Variants in ATP6V1E2 observed in about 807,000 individuals in gnomAD.
ATP6V1E2 encodes ATPase H+ transporting V1 subunit E2, also known as V-type proton ATPase subunit E 2.
For synonymous variants in ATP6V1E2, 121 were observed against 104.2 expected, an observed-to-expected ratio of 1.16 and a Z score of -0.98; for missense variants, 308 against 273.3, an observed-to-expected ratio of 1.13 and a Z score of -0.90.
intron 3 of ATP6V1E2, among the ~76,000 whole-genome samples, chr2:46,536,299 A>G (rs1444763976): frequency 1.3e-5 from 2 of 152,232 alleles, no homozygotes; most frequent in Non-Finnish European, 2.9e-5. Context: ...ATCCTACTGG[A>G]TTTATTTATC....
chr2:46,517,885 G>A (rs13010097), intron 4 of ATP6V1E2, among the ~76,000 whole-genome samples: 53,717 of 152,134 alleles, frequency 0.35, 9,754 homozygotes, highest in Middle Eastern at 0.39. Flanking sequence ...GCAGAAACTG[G>A]AACTCCTGTG....
intron 2 of ATP6V1E2, among the ~76,000 whole-genome samples, chr2:46,538,863 G>C (rs950986071): frequency 2.0e-5 from 3 of 152,086 alleles, no homozygotes; most frequent in Non-Finnish European, 2.9e-5. Context: ...CAGCTTCTTG[G>C]GAGGCTGAGG....
intron 4 of ATP6V1E2, among the ~76,000 whole-genome samples, chr2:46,516,076 T>G (rs75266624): frequency 6.6e-6 from 1 of 152,140 alleles, no homozygotes; most frequent in Admixed American, 6.5e-5. Context: ...AATACAATAA[T>G]AGTAGGAAAT....
chr2:46,523,528 C>T (rs1012830442), intron 4 of ATP6V1E2, among the ~76,000 whole-genome samples: 5 of 152,042 alleles, frequency 3.3e-5, no homozygotes, highest in Admixed American at 1.3e-4. Flanking sequence ...TCAGGTTTTT[C>T]GAAGATCAGA....
Position 46,517,191 on chromosome 2 carries a change from T to A in ATP6V1E2, c.-101-4379A>T, listed in dbSNP as rs188514444. ...CCAGAAATAAACCCCACATTTACAA[T>A]CAAATGATCATCAATAAGGGTGCCA... On this transcript the variant is annotated intron_variant, in intron 4 of 4. Transcript: ENST00000522587. 5.0e-3 allele frequency among the ~76,000 whole-genome samples: 761 copies of A among 152,156 alleles called. 13 individuals carry two copies. The highest frequency in any genetic ancestry group is 3.6e-3 in the Non-Finnish European group (246 of 67,974).
At chr2:46,525,386 C>T (rs1194580630) in intron 4 of ATP6V1E2, among the ~76,000 whole-genome samples, 1 of 147,550 alleles carries the variant, frequency 6.8e-6, no homozygotes, top group African/African-American at 2.5e-5. Flanking sequence ...GGCGTGAACC[C>T]GGAAGGCGGA....
Position 46,534,181 on chromosome 2 carries a change from G to A in ATP6V1E2, c.-102+1632C>T, listed in dbSNP as rs553732797. ...CCGTTAATCCTTTTCGAGGACTCCAGTTTTTAATATCATCTTAAGGTGACT... is the reference window on the plus strand; with the variant it reads ...CCGTTAATCCTTTTCGAGGACTCCAATTTTTAATATCATCTTAAGGTGACT... On this transcript the variant is annotated intron_variant, in intron 4 of 4. Transcript: ENST00000522587. The A allele has an allele frequency of 3.3e-5, 5 of 152,276 alleles. No individual in the cohort carries two copies. In the East Asian group the frequency reaches 7.7e-4, roughly 23 times the overall value. 9.4% of individuals were successfully genotyped at this position (152,276 alleles called of 1,614,324 possible).
Position 46,530,677 on chromosome 2 carries a change from T to G in ATP6V1E2, c.-102+5136A>C, listed in dbSNP as rs1408375551. ...CTGCGAATAAAGACATAACCAGGAC[T>G]GGGTAATATATAAAGGAAAGAGGTT... On this transcript the variant is annotated intron_variant, in intron 4 of 4. Coordinates refer to ENST00000522587, the MANE Select transcript of ATP6V1E2 (RefSeq NM_001318063.2). The surrounding 1 kb of genome is among the most constrained non-coding windows in gnomAD (Gnocchi z 5.2). Among the ~76,000 whole-genome samples the G allele has an allele frequency of 6.6e-6, 1 of 152,220 alleles. No individual in the cohort carries two copies. The highest frequency in any genetic ancestry group is 1.5e-5 in the Non-Finnish European group (1 of 68,032).
At chr2:46,526,988 T>TC (rs2103891019) in intron 4 of ATP6V1E2, among the ~76,000 whole-genome samples, 1 of 152,348 alleles carries the variant, frequency 6.6e-6, no homozygotes, top group Admixed American at 6.5e-5. Flanking sequence ...ATTTTACAGT[T>TC]CACAGCAATG....
intron 4 of ATP6V1E2, among the ~76,000 whole-genome samples, chr2:46,527,453 C>G (rs1666979022): frequency 6.6e-6 from 1 of 152,170 alleles, no homozygotes; most frequent in Non-Finnish European, 1.5e-5. Flanking sequence ...GATCTCCTGA[C>G]CTCGTGATCT....
intron 4 of ATP6V1E2, among the ~76,000 whole-genome samples, chr2:46,523,943 T>C (rs924105700): frequency 1.2e-4 from 19 of 152,170 alleles, no homozygotes; most frequent in African/African-American, 4.3e-4. Flanking sequence ...AAGAGGTCCT[T>C]CACATCCCTT....
chr2:46,525,686 C>T (rs1382408673), intron 4 of ATP6V1E2, among the ~76,000 whole-genome samples: 1 of 152,176 alleles, frequency 6.6e-6, no homozygotes, highest in African/African-American at 2.4e-5. Flanking sequence ...TCCACTCACA[C>T]TGGCAAAGCA....
chr2:46,512,433 A>G lies in ATP6V1E2; in HGVS notation c.279T>C (p.Asp93=). 2 of 1,614,068 alleles carry G rather than the reference A, an allele frequency of 1.2e-6. No individual in the cohort carries two copies. Among genetic ancestry groups the G allele is most frequent in the African/African-American group, 1.3e-5 (1 of 74,976 alleles). ...VLRARNDLIS[D]LLSEAKLRLS... is the part of the protein sequence containing the mutation. ...GTCTCAGCTTCGCCTCACTGAGCAA[A>G]TCTGAGATGAGGTCATTTCGGGCTC... The change falls in exon 5 of 5, where the codon GAT becomes GAC. Residue 93 remains aspartate (D), a synonymous_variant. Coordinates refer to ENST00000522587, the MANE Select transcript of ATP6V1E2 (RefSeq NM_001318063.2).
intron 2 of ATP6V1E2, among the ~76,000 whole-genome samples, chr2:46,540,290 C>T (rs1667663908): frequency 6.6e-6 from 1 of 152,008 alleles, no homozygotes; most frequent in Non-Finnish European, 1.5e-5. Flanking sequence ...GGCATGATGG[C>T]ACATGCCTGT....
At chr2:46,517,589 A>C (rs1433007259) in intron 4 of ATP6V1E2, among the ~76,000 whole-genome samples, 3 of 152,234 alleles carry the variant, frequency 2.0e-5, no homozygotes, top group Non-Finnish European at 4.4e-5. Flanking sequence ...TATATCTCAT[A>C]AGAAGTTAAT....
At chr2:46,518,627 C>G (rs1208744934) in intron 4 of ATP6V1E2, among the ~76,000 whole-genome samples, 1 of 152,074 alleles carries the variant, frequency 6.6e-6, no homozygotes, top group Non-Finnish European at 1.5e-5. Context: ...TACAAAATGT[C>G]ATTAGAAGTC....
At position 46,512,811 on chromosome 2, in the gene ATP6V1E2, AG is replaced by A; in HGVS notation, c.-101del. On this transcript the variant is annotated splice_region_variant and 5_prime_UTR_variant, in exon 5 of 5. An upstream open reading frame in the 5' UTR gains an earlier in-frame stop. Transcript: ENST00000522587. ...AGTGTCTCTGGAGTTCCACTTTCTC[AG>A]CTATACCAGTGAACAAGAGGATGAA... 2.0e-6 allele frequency: 2 copies of A among 1,011,240 alleles called. No homozygotes were observed. The highest frequency in any genetic ancestry group is 2.8e-6 in the Non-Finnish European group (2 of 703,566). 62.6% of individuals were successfully genotyped at this position (1,011,240 alleles called of 1,614,324 possible).
chr2:46,537,394 G>A (rs1667499881), intron 2 of ATP6V1E2: 2 of 152,374 alleles, frequency 1.3e-5, no homozygotes, highest in African/African-American at 4.8e-5. Context: ...GTTCAGGGAT[G>A]AACTAAGTTG....
In ATP6V1E2 at chr2:46,512,601, C is replaced by T. The variant is rs138593929; in HGVS notation, c.111G>A (p.Glu37=). The T allele has an allele frequency of 1.9e-4, 309 of 1,614,124 alleles. No homozygotes were observed. Among genetic ancestry groups the T allele is most frequent in the Middle Eastern group, 1.6e-3 (10 of 6,084 alleles). ...AEEIDAKAEE[E]FNIEKGRLVQ... is the part of the protein sequence containing the mutation. ...CGAGGCGTCCTTTCTCAATGTTAAA[C>T]TCTTCCTCAGCCTTGGCATCGATTT... is the stretch of plus-strand genomic sequence containing the variant. Residue 37 remains glutamate, a synonymous_variant, in exon 5 of 5, where the codon GAG becomes GAA. Transcript: ENST00000522587.
Sources: gnomAD v4.1 joint callset for allele counts (sites outside exome capture counted in the v4.1 genomes callset) on GRCh38, gnomAD v4.1.1 for gene constraint, Gnocchi (gnomAD v3.1) non-coding constraint, MANE v1.5 for transcripts, NCBI Gene and HGNC (gene_info 2026-07-23, HGNC 2026-07-21) for gene names.